The following DGLUCY variants were observed in gnomAD, a reference collection of about 807,000 sequenced individuals.
DGLUCY encodes D-glutamate cyclase.
DGLUCY carries 58 observed loss-of-function variants against 58.5 expected under a neutral mutation model. The observed-to-expected ratio is 0.99, with a 90% CI of 0.80 to 1.23. DGLUCY has a LOEUF of 1.23. DGLUCY is among the 50% of genes most tolerant of loss of function. The pLI is 0.00. For missense variants in DGLUCY, 779 were observed against 784.7 expected (o/e 0.99, Z 0.09); for synonymous variants, 325 against 314.1 (o/e 1.03, Z -0.37).
chr14:91,223,382 G>A lies in DGLUCY; in HGVS notation c.1717-1302G>A, dbSNP rs116800060. Among the ~76,000 whole-genome samples the A allele has an allele frequency of 6.7e-3, 1,027 of 152,258 alleles. 10 individuals carry two copies. Among genetic ancestry groups the A allele is most frequent in the African/African-American group, 0.023 (964 of 41,548 alleles). ...GCAGGGAGAGAGCCTTCTTATAGCCGCCCTAATGTCCTATTCTAGATTCCT... is the reference window on the plus strand; with the variant it reads ...GCAGGGAGAGAGCCTTCTTATAGCCACCCTAATGTCCTATTCTAGATTCCT... On this transcript the variant is annotated intron_variant, in intron 13 of 13. Transcript: ENST00000256324.
At chr14:91,162,296 A>T (rs1426661560) in intron 3 of DGLUCY, among the ~76,000 whole-genome samples, 5 of 152,188 alleles carry the variant, frequency 3.3e-5, no homozygotes, top group Admixed American at 2.6e-4. Context: ...TCTTGTCATT[A>T]AGTTAAAAAA....
Position 91,121,425 on chromosome 14 carries a change from AC to A in DGLUCY, c.-82+7143del, listed in dbSNP as rs2045350230. On this transcript the variant is annotated intron_variant, in intron 1 of 13. Transcript: ENST00000256324. Reference sequence around the variant, plus strand: ...TATTTTTGGCTGGGCGCAGTGGCTCACGCCTGTAATCTCAGCACGTTGGGAG... The same window carrying A: ...TATTTTTGGCTGGGCGCAGTGGCTCAGCCTGTAATCTCAGCACGTTGGGAG... Among the ~76,000 whole-genome samples, 4 of 152,006 alleles carry A rather than the reference AC, an allele frequency of 2.6e-5. No homozygotes were observed. The South Asian group carries it at 8.3e-4, about 31-fold the overall frequency.
intron 7 of DGLUCY, among the ~76,000 whole-genome samples, 193 bp downstream of exon 7, chr14:91,176,249 C>T (rs541733860): frequency 1.3e-5 from 2 of 152,082 alleles, no homozygotes; most frequent in South Asian, 4.2e-4. Flanking sequence ...TTTTTTGAGA[C>T]AGGGTCTCAC....
intron 12 of DGLUCY, among the ~76,000 whole-genome samples, chr14:91,213,119 G>C (rs1207731281): frequency 1.3e-5 from 2 of 151,918 alleles, no homozygotes; most frequent in African/African-American, 4.8e-5. Flanking sequence ...CTAGGTGACA[G>C]AGTGAGACCC....
Position 91,144,926 on chromosome 14 carries a change from C to T in DGLUCY, c.-81-12713C>T, listed in dbSNP as rs746673589. Among the ~76,000 whole-genome samples, 10 of 151,960 alleles carry T rather than the reference C, an allele frequency of 6.6e-5. No homozygotes were observed. In the South Asian group the frequency reaches 1.5e-3, roughly 22 times the overall value. Reference sequence around the variant, plus strand: ...GGGAGTTGGGGGTGCTGGAAGGGGCCTTGTGGGGAGCCTGCGGGGCCTCAG... The same window carrying T: ...GGGAGTTGGGGGTGCTGGAAGGGGCTTTGTGGGGAGCCTGCGGGGCCTCAG... On this transcript the variant is annotated intron_variant, in intron 1 of 13. Coordinates refer to ENST00000256324, the MANE Select transcript of DGLUCY (RefSeq NM_001102368.3).
At chr14:91,085,241 A>T (rs1013920032) in intron 1 of DGLUCY, among the ~76,000 whole-genome samples, 2 of 150,294 alleles carry the variant, frequency 1.3e-5, no homozygotes, top group East Asian at 3.9e-4. Flanking sequence ...AAAAAAAAAA[A>T]GTTAACAGAG....
intron 7 of DGLUCY, among the ~76,000 whole-genome samples, chr14:91,177,870 G>A (rs887077956): frequency 1.3e-5 from 2 of 152,242 alleles, no homozygotes; most frequent in African/African-American, 4.8e-5. Flanking sequence ...CAGGCCTCAG[G>A]AGTACAGTGC....
chr14:91,168,560 C>G (rs1343951020), intron 4 of DGLUCY, among the ~76,000 whole-genome samples: 2 of 152,208 alleles, frequency 1.3e-5, no homozygotes, highest in Non-Finnish European at 2.9e-5. Context: ...GAGCCCATCC[C>G]CCAGTGGGCT....
intron 1 of DGLUCY, among the ~76,000 whole-genome samples, chr14:91,134,123 C>T (rs541735884): frequency 2.0e-5 from 3 of 152,212 alleles, no homozygotes; most frequent in East Asian, 1.9e-4. Context: ...TGTTTAAAAG[C>T]GATTTGTTAT....
chr14:91,154,879 T>C (rs1157334987), intron 1 of DGLUCY, among the ~76,000 whole-genome samples: 1 of 152,210 alleles, frequency 6.6e-6, no homozygotes, highest in African/African-American at 2.4e-5. Flanking sequence ...TGGGTCCCCA[T>C]GAGCCAGCCG....
chr14:91,175,828 C>A, intron 6 of DGLUCY, 106 bp from the exon 7 acceptor site: 1 of 1,299,158 alleles, frequency 7.7e-7, no homozygotes, highest in Non-Finnish European at 1.1e-6. Context: ...TTACAATAAT[C>A]CTGCAATTTG....
At chr14:91,112,895 A>G (rs2044732002), upstream of DGLUCY, among the ~76,000 whole-genome samples, 1 of 146,538 alleles carries the variant, frequency 6.8e-6, no homozygotes, top group Non-Finnish European at 1.5e-5. Context: ...GGCACTCAGG[A>G]GGCTGAGGCA....
chr14:91,151,495 C>T (rs1366361297), intron 1 of DGLUCY, among the ~76,000 whole-genome samples: 3 of 152,152 alleles, frequency 2.0e-5, no homozygotes, highest in Admixed American at 2.0e-4. Flanking sequence ...ATCCACCTGC[C>T]TTGGCCTCCC....
chr14:91,106,232 C>T (rs753732118), upstream of DGLUCY, among the ~76,000 whole-genome samples: 9 of 150,250 alleles, frequency 6.0e-5, no homozygotes, highest in African/African-American at 1.2e-4. Flanking sequence ...CGCTCGAACC[C>T]GGGAGGTGGA....
chr14:91,125,104 A>G (rs962260004), intron 1 of DGLUCY, among the ~76,000 whole-genome samples: 4 of 152,154 alleles, frequency 2.6e-5, no homozygotes, highest in South Asian at 2.1e-4. Context: ...ATTCCAGCCA[A>G]TGGAAACTGG....
upstream of DGLUCY, among the ~76,000 whole-genome samples, chr14:91,104,091 C>G (rs1254357181): frequency 1.1e-3 from 2 of 1,822 alleles, no homozygotes; most frequent in Non-Finnish European, 3.0e-3. Context: ...GAGACAGAGT[C>G]TTGCTCTGTT....
intron 1 of DGLUCY, among the ~76,000 whole-genome samples, chr14:91,148,295 C>A (rs1020768635): frequency 6.6e-6 from 1 of 151,718 alleles, no homozygotes; most frequent in Non-Finnish European, 1.5e-5. Flanking sequence ...ACCTCCACCC[C>A]CAAGGCTCAA....
At chr14:91,131,110 C>T (rs564377588) in intron 1 of DGLUCY, among the ~76,000 whole-genome samples, 32 of 152,032 alleles carry the variant, frequency 2.1e-4, no homozygotes, top group African/African-American at 5.8e-4. Flanking sequence ...CTACCACGCC[C>T]GGCTAAGTTT....
chr14:91,144,309 C>CT (rs1191823528), intron 1 of DGLUCY, among the ~76,000 whole-genome samples: 1 of 152,136 alleles, frequency 6.6e-6, no homozygotes, highest in African/African-American at 2.4e-5. Flanking sequence ...CAGTGGCTCC[C>CT]AGGACTTTGG....
Sources: gnomAD v4.1 joint callset for allele counts (sites outside exome capture counted in the v4.1 genomes callset) on GRCh38, gnomAD v4.1.1 for gene constraint, MANE v1.5 for transcripts, NCBI Gene and HGNC (gene_info 2026-07-23, HGNC 2026-07-21) for gene names.